The following AKNAD1 variants were observed in gnomAD, a reference collection of about 807,000 sequenced individuals.
AKNAD1 encodes the protein protein AKNAD1.
A neutral mutation model predicts 90.8 loss-of-function variants in AKNAD1; 67 were observed. That is an observed-to-expected ratio of 0.74 (90% CI 0.61 to 0.90). The LOEUF (loss-of-function observed/expected upper bound fraction) is 0.90. AKNAD1 is among the 40% of genes least tolerant of loss of function. The probability of loss-of-function intolerance (pLI) is 0.00; values close to 1 mark genes in which losing one functional copy is unlikely to be tolerated. For synonymous variants in AKNAD1, 327 were observed against 341.4 expected, an observed-to-expected ratio of 0.96 and a Z score of 0.46; for missense variants, 957 against 975.4, an observed-to-expected ratio of 0.98 and a Z score of 0.25.
Position 108,823,664 on chromosome 1 carries a change from C to T in AKNAD1, c.1961G>A (p.Cys654Tyr), listed in dbSNP as rs7522157. 459,669 of 1,613,492 alleles carry T rather than the reference C, an allele frequency of 0.28. 68,947 individuals carry two copies. The highest frequency in any genetic ancestry group is 0.31 in the Non-Finnish European group (368,330 of 1,179,572). The change falls in exon 12 of 16, where the codon TGT (cysteine) becomes TAT (tyrosine). Residue 654 changes from cysteine to tyrosine, a missense_variant. Coordinates refer to ENST00000370001, the MANE Select transcript of AKNAD1 (RefSeq NM_152763.5). ...TPNSDTGHSF[C>Y]SDSGTEMQSN... ...CTGCATTTCAGTGCCAGAATCAGAACAGAAGCTGTGTCCTGTATCAGAATC... is the reference window on the plus strand; with the variant it reads ...CTGCATTTCAGTGCCAGAATCAGAATAGAAGCTGTGTCCTGTATCAGAATC...
chr1:108,850,739 C>T (rs1219594291), intron 2 of AKNAD1, among the ~76,000 whole-genome samples: 1 of 152,158 alleles, frequency 6.6e-6, no homozygotes, highest in Non-Finnish European at 1.5e-5. Context: ...AGGACACCTT[C>T]ATATAAGGCT....
At chr1:108,853,885 G>A (rs193127064) in intron 1 of AKNAD1, among the ~76,000 whole-genome samples, 6 of 151,888 alleles carry the variant, frequency 4.0e-5, no homozygotes, top group East Asian at 3.9e-4. Context: ...GCAGTGAGCC[G>A]AGATCAAGCC....
chr1:108,839,865 A>G (rs7544012), intron 6 of AKNAD1, among the ~76,000 whole-genome samples: 1 of 152,004 alleles, frequency 6.6e-6, no homozygotes, highest in Non-Finnish European at 1.5e-5. Flanking sequence ...TACAAAAAAA[A>G]TTTTTTTTAA....
At position 108,852,699 on chromosome 1, in the gene AKNAD1, C is replaced by T. The variant is rs769105660; in HGVS notation, c.-35G>A. 1 of 1,526,888 alleles carries T rather than the reference C, an allele frequency of 6.5e-7. No individual in the cohort carries two copies. The highest frequency in any genetic ancestry group is 2.3e-5 in the East Asian group (1 of 44,368). The allele number at this position is 1,526,888 out of a possible 1,614,324, so 94.6% of individuals were successfully genotyped here. Reference sequence around the variant, plus strand: ...GCCCGATCGCTCTCGTCCTCTGCCTCCTGAGCTGGCTGCTGTCAGTTGTAA... The same window carrying T: ...GCCCGATCGCTCTCGTCCTCTGCCTTCTGAGCTGGCTGCTGTCAGTTGTAA... On this transcript the variant is annotated 5_prime_UTR_variant, in exon 2 of 16. Coordinates refer to ENST00000370001, the MANE Select transcript of AKNAD1 (RefSeq NM_152763.5).
rs1282481252 is a variant in AKNAD1 at position 108,853,163 on chromosome 1, G to A, written c.-103-396C>T. Among the ~76,000 whole-genome samples, 4 of 137,708 alleles carry A rather than the reference G, an allele frequency of 2.9e-5. No homozygotes were observed. In the East Asian group the frequency reaches 6.2e-4, roughly 21 times the overall value. The allele number at this position is 137,708 out of a possible 152,430, so 90.3% of individuals were successfully genotyped here. On this transcript the variant is annotated intron_variant, in intron 1 of 15. Transcript: ENST00000370001. ...TTTTTTTTTTTTGAGACGGAGTCTC[G>A]CTCTGTCGCCCAGGCTGGAGTGCGG...
intron 9 of AKNAD1, among the ~76,000 whole-genome samples, chr1:108,831,095 A>G (rs914057417): frequency 2.0e-5 from 3 of 152,222 alleles, no homozygotes. Context: ...GTAGAGCTCT[A>G]AAAGCCTTTC....
intron 10 of AKNAD1, among the ~76,000 whole-genome samples, chr1:108,830,001 A>G (rs2101176926): frequency 6.6e-6 from 1 of 152,324 alleles, no homozygotes; most frequent in East Asian, 1.9e-4. Context: ...GCTCTGGAAG[A>G]TTTCGTCCTT....
In AKNAD1 at chr1:108,839,038, T is replaced by C. The variant is rs912946319; in HGVS notation, c.1380-1332A>G. 5.3e-5 allele frequency among the ~76,000 whole-genome samples: 8 copies of C among 152,202 alleles called. No individual in the cohort carries two copies. In the South Asian group the frequency reaches 8.3e-4, roughly 16 times the overall value. The stretch of plus-strand genomic sequence containing the variant: ...TGTAATTTATAACAGTTTGAAAGCA[T>C]ATATTTCAACATATATTTTTAAAGG... On this transcript the variant is annotated intron_variant, in intron 6 of 15. Transcript: ENST00000370001.
At position 108,852,710 on chromosome 1, in the gene AKNAD1, T is replaced by C; in HGVS notation, c.-46A>G. On this transcript the variant is annotated 5_prime_UTR_variant, in exon 2 of 16. Transcript: ENST00000370001. ...CTCGTCCTCTGCCTCCTGAGCTGGC[T>C]GCTGTCAGTTGTAACAATAGCTCTG... 1 of 1,517,812 alleles carries C rather than the reference T, an allele frequency of 6.6e-7. No homozygotes were observed. The highest frequency in any genetic ancestry group is 8.8e-7 in the Non-Finnish European group (1 of 1,138,902). 94.0% of individuals were successfully genotyped at this position (1,517,812 alleles called of 1,614,324 possible). A position where few individuals can be genotyped will look rare whatever the true frequency, so the allele number is the denominator to read the frequency against.
chr1:108,827,163 G>A (rs756617428), intron 11 of AKNAD1, 42 bp downstream of exon 11: 5 of 1,471,258 alleles, frequency 3.4e-6, no homozygotes, highest in African/African-American at 1.4e-5. Flanking sequence ...CATGGGGAGG[G>A]ACACTGAAAA....
chr1:108,851,758 G>A lies in AKNAD1; in HGVS notation c.907C>T (p.Leu303=). The part of the protein sequence containing the change: ...RDKPTLVQDS[L]ETTPESNCVE... ...CAGTTTGACTCAGGCGTGGTTTCTA[G>A]ACTATCTTGCACAAGAGTGGGTTTA... The change falls in exon 2 of 16, where the codon CTA becomes TTA. Residue 303 remains leucine, a synonymous_variant. Transcript: ENST00000370001. 6.2e-7 allele frequency: 1 copy of A among 1,613,812 alleles called. No individual in the cohort carries two copies. The highest frequency in any genetic ancestry group is 8.5e-7 in the Non-Finnish European group (1 of 1,179,870).
intron 10 of AKNAD1, among the ~76,000 whole-genome samples, chr1:108,829,284 A>G (rs923027720): frequency 6.6e-6 from 1 of 151,888 alleles, no homozygotes; most frequent in African/African-American, 2.4e-5. Context: ...TATCATAAAA[A>G]AGTATTATTT....
Position 108,815,965 on chromosome 1 carries a change from G to A in AKNAD1, c.*206C>T. The A allele has an allele frequency of 5.8e-6, 2 of 343,412 alleles. No homozygotes were observed. The highest frequency in any genetic ancestry group is 1.0e-5 in the Non-Finnish European group (2 of 195,592). The allele number at this position is 343,412 out of a possible 1,614,324, so 21.3% of individuals were successfully genotyped here. ...TAGATTTATTTTAAAATAAATACTT[G>A]TTGGTTGCTTTTGATTTTAAGAATC... On this transcript the variant is annotated 3_prime_UTR_variant, in exon 16 of 16. Coordinates refer to ENST00000370001, the MANE Select transcript of AKNAD1 (RefSeq NM_152763.5).
chr1:108,819,655 T>TA (rs2101156388), intron 14 of AKNAD1, among the ~76,000 whole-genome samples: 1 of 151,814 alleles, frequency 6.6e-6, no homozygotes, highest in African/African-American at 2.4e-5. Context: ...CAGACACCTG[T>TA]AATTCCAGTG....
Position 108,817,080 on chromosome 1 carries a change from C to T in AKNAD1, c.2347G>A (p.Asp783Asn), listed in dbSNP as rs117523576. ...CRISGSKSLC[D>N]FDSTEEIKSE... ...TTTATTTCTTCAGTGCTATCAAAGT[C>T]ACATAAGGATTTGCTTCCAGAAATC... Residue 783 changes from aspartate (D) to asparagine (N), a missense_variant, in exon 15 of 16, where the codon GAC becomes AAC. Asp to Asn is a conservative substitution (Grantham distance 23). Transcript: ENST00000370001. 215 of 1,614,156 alleles carry T rather than the reference C, an allele frequency of 1.3e-4. No individual in the cohort carries two copies. In the East Asian group the frequency reaches 4.5e-3, roughly 34 times the overall value.
At chr1:108,840,507 G>A (rs910061341) in intron 6 of AKNAD1, among the ~76,000 whole-genome samples, 2 of 152,142 alleles carry the variant, frequency 1.3e-5, no homozygotes, top group East Asian at 3.8e-4. Flanking sequence ...ATTTTATTAA[G>A]AACCTTGGTG....
chr1:108,819,948 T>C (rs546733263), intron 14 of AKNAD1, among the ~76,000 whole-genome samples: 1 of 148,782 alleles, frequency 6.7e-6, no homozygotes, highest in African/African-American at 2.5e-5. Flanking sequence ...AATACCCTAA[T>C]TGGCTTCCTC....
rs149008078 is a variant in AKNAD1 at position 108,841,330 on chromosome 1, T to G, written c.1379+1804A>C. Reference sequence around the variant, plus strand: ...GGAGAGGAGGTGAAAACATGGGGATTTGGAGATAGAAGAGACATTTTTGAG... The same window carrying G: ...GGAGAGGAGGTGAAAACATGGGGATGTGGAGATAGAAGAGACATTTTTGAG... On this transcript the variant is annotated intron_variant, in intron 6 of 15. Transcript: ENST00000370001. Among the ~76,000 whole-genome samples the G allele has an allele frequency of 4.6e-3, 703 of 152,042 alleles. 9 individuals carry two copies. Among genetic ancestry groups the G allele is most frequent in the African/African-American group, 0.016 (671 of 41,464 alleles).
chr1:108,820,829 A>T (rs1663788878), intron 13 of AKNAD1, among the ~76,000 whole-genome samples: 1 of 152,150 alleles, frequency 6.6e-6, no homozygotes, highest in Non-Finnish European at 1.5e-5. Context: ...TGGGAGGCTA[A>T]GGTGGGAGGA....
Sources: gnomAD v4.1 joint callset for allele counts (sites outside exome capture counted in the v4.1 genomes callset) on GRCh38, gnomAD v4.1.1 for gene constraint, MANE v1.5 for transcripts, NCBI Gene and HGNC (gene_info 2026-07-23, HGNC 2026-07-21) for gene names.